Variants in FOXN3 observed in about 807,000 individuals in gnomAD.
FOXN3 encodes forkhead box protein N3.
FOXN3 carries 7 observed loss-of-function variants against 38.4 expected under a neutral mutation model. The ratio of observed to expected loss-of-function variants is 0.18; its 90% CI spans 0.10 to 0.34. The LOEUF (loss-of-function observed/expected upper bound fraction) is 0.34, where lower values mean the gene tolerates loss of function less well. Ranked by LOEUF, FOXN3 falls within the 10% of genes least tolerant of loss-of-function variation. The pLI is 1.00. For missense variants in FOXN3, 456 were observed against 613.4 expected, an observed-to-expected ratio of 0.74 and a Z score of 2.71; for synonymous variants, 230 against 242.2, an observed-to-expected ratio of 0.95 and a Z score of 0.47.
chr14:89,529,835 G>A (rs560740066), intron 1 of FOXN3, among the ~76,000 whole-genome samples: 3 of 152,276 alleles, frequency 2.0e-5, no homozygotes, highest in South Asian at 4.1e-4. Flanking sequence ...GAGCCCAGGA[G>A]TATGTGAAGT....
At chr14:89,281,084 A>G in intron 3 of FOXN3, 70 bp from the exon 4 acceptor site, 1 of 1,347,674 alleles carries the variant, frequency 7.4e-7, no homozygotes, top group Non-Finnish European at 1.0e-6. Flanking sequence ...CCCTTCCCAC[A>G]CTTCCCTCAA....
chr14:89,544,380 C>G (rs1243285438), intron 1 of FOXN3, among the ~76,000 whole-genome samples: 2 of 151,820 alleles, frequency 1.3e-5, no homozygotes, highest in African/African-American at 2.4e-5. Flanking sequence ...GTCTCCCAAG[C>G]TGGAATGTAA....
intron 3 of FOXN3, among the ~76,000 whole-genome samples, chr14:89,325,447 A>C (rs1888053271): frequency 6.6e-6 from 1 of 151,936 alleles, no homozygotes; most frequent in Non-Finnish European, 1.5e-5. Context: ...CATGTCAGAG[A>C]CCCAGAGACT....
At chr14:89,386,799 G>A (rs1157276494) in intron 2 of FOXN3, among the ~76,000 whole-genome samples, 1 of 152,162 alleles carries the variant, frequency 6.6e-6, no homozygotes, top group Non-Finnish European at 1.5e-5. Context: ...GAAGACGGCT[G>A]CCTTCTCACT....
At chr14:89,417,468 C>A (rs1480796773), upstream of FOXN3, 1 of 149,278 alleles carries the variant, frequency 6.7e-6, no homozygotes. Flanking sequence ...CCCCGCGGGG[C>A]GGGGGTGACC....
intron 1 of FOXN3, among the ~76,000 whole-genome samples, chr14:89,467,693 T>C (rs1036240448): frequency 1.3e-5 from 2 of 149,920 alleles, no homozygotes; most frequent in Non-Finnish European, 3.0e-5. Context: ...GGGCTCAAGC[T>C]CCAGCAGTCC....
chr14:89,563,181 T>C (rs1414720369), intron 1 of FOXN3, among the ~76,000 whole-genome samples: 1 of 152,250 alleles, frequency 6.6e-6, no homozygotes, highest in African/African-American at 2.4e-5. Context: ...CTATTACTGA[T>C]GACTTTCTAT....
chr14:89,444,705 T>A (rs554563076), intron 1 of FOXN3, among the ~76,000 whole-genome samples: 34 of 152,198 alleles, frequency 2.2e-4, no homozygotes, highest in Non-Finnish European at 4.6e-4. Context: ...AGCTTCCCGA[T>A]GTTCTGTCAC....
At chr14:89,204,735 C>T (rs2139823599) in intron 4 of FOXN3, among the ~76,000 whole-genome samples, 1 of 152,268 alleles carries the variant, frequency 6.6e-6, no homozygotes, top group East Asian at 1.9e-4. Flanking sequence ...ATATAACTGC[C>T]ATTGCTTTTG....
At chr14:89,288,716 CTCTCTCTCTA>C (rs1886748088) in intron 3 of FOXN3, among the ~76,000 whole-genome samples, 5 of 51,750 alleles carry the variant, frequency 9.7e-5, no homozygotes, top group Non-Finnish European at 1.7e-4. Flanking sequence ...CTCTCTCTCT[CTCTCTCTCTA>C]TATATATATA....
chr14:89,594,755 G>A (rs984736008), intron 1 of FOXN3, among the ~76,000 whole-genome samples: 29 of 151,668 alleles, frequency 1.9e-4, no homozygotes, highest in African/African-American at 4.8e-4. Context: ...GGGTCCTGGC[G>A]CACACCTGTA....
Position 89,159,779 on chromosome 14 carries a change from T to C in FOXN3, c.*2635A>G, listed in dbSNP as rs1887055576. ...AAATCAAGGTGTCGCTCAGGTTCCA[T>C]AGCTGTGGATGGCTTTTAGGGTGTC... On this transcript the variant is annotated 3_prime_UTR_variant, in exon 6 of 6. Coordinates refer to ENST00000557258, the MANE Select transcript of FOXN3 (RefSeq NM_005197.4). 1 of 152,282 alleles carries C rather than the reference T, an allele frequency of 6.6e-6. No homozygotes were observed. Among genetic ancestry groups the C allele is most frequent in the Non-Finnish European group, 1.5e-5 (1 of 68,098 alleles). The allele number at this position is 152,282 out of a possible 1,614,324, so 9.4% of individuals were successfully genotyped here.
At chr14:89,413,987 GAA>G (rs1359495799) in intron 1 of FOXN3, among the ~76,000 whole-genome samples, 2 of 148,762 alleles carry the variant, frequency 1.3e-5, no homozygotes, top group African/African-American at 5.0e-5. Flanking sequence ...AGGAGGAGGA[GAA>G]GAAGGAGGAG....
chr14:89,173,777 G>A (rs560279290), intron 5 of FOXN3, among the ~76,000 whole-genome samples: 3 of 152,220 alleles, frequency 2.0e-5, no homozygotes, highest in South Asian at 2.1e-4. Flanking sequence ...GATTGTTTGC[G>A]CCCAGGAGTT....
chr14:89,226,776 C>T (rs990232423), intron 4 of FOXN3, among the ~76,000 whole-genome samples: 1 of 152,064 alleles, frequency 6.6e-6, no homozygotes, highest in African/African-American at 2.4e-5. Context: ...TAAGCAGTAT[C>T]CTTATGAAAA....
In FOXN3 at chr14:89,599,049, T is replaced by C. The variant is rs559374719; in HGVS notation, c.-15+19979A>G. Among the ~76,000 whole-genome samples, 198 of 152,314 alleles carry C rather than the reference T, an allele frequency of 1.3e-3. 1 individual carries two copies. The highest frequency in any genetic ancestry group is 4.3e-3 in the African/African-American group (180 of 41,582). ...TCCAGTTACACATATATTAGGCCTT[T>C]CCACCATATTTAATATGTCTTTCAC... is the stretch of plus-strand genomic sequence containing the variant. On this transcript the variant is annotated intron_variant, in intron 1 of 6. Transcript: ENST00000345097.
intron 4 of FOXN3, among the ~76,000 whole-genome samples, chr14:89,258,696 C>A (rs987669953): frequency 2.0e-5 from 3 of 152,184 alleles, no homozygotes; most frequent in Admixed American, 2.0e-4. Context: ...ATATTCAATG[C>A]GCTTTACCTT....
rs1887153343 is a variant in FOXN3, at chr14:89,163,255, G to C, written c.852-286C>G. On this transcript the variant is annotated intron_variant, in intron 5 of 5. Coordinates refer to ENST00000557258, the MANE Select transcript of FOXN3 (RefSeq NM_005197.4). The surrounding 1 kb of genome is among the most constrained non-coding windows in gnomAD (Gnocchi z 4.3). ...ATCTTCTGAAGCGACAGTGGTGGAG[G>C]CTCCATCTCTTACATTAAACCATAA... Among the ~76,000 whole-genome samples the C allele has an allele frequency of 6.6e-6, 1 of 152,160 alleles. No homozygotes were observed. Among genetic ancestry groups the C allele is most frequent in the African/African-American group, 2.4e-5 (1 of 41,424 alleles).
chr14:89,187,884 C>T (rs1887848799), intron 4 of FOXN3, among the ~76,000 whole-genome samples: 1 of 152,172 alleles, frequency 6.6e-6, no homozygotes, highest in Admixed American at 6.5e-5. Context: ...ACTGTACTTG[C>T]CCTTGACCTC....
Sources: allele counts gnomAD v4.1 joint callset (sites outside exome capture counted in the v4.1 genomes callset), GRCh38; gene constraint gnomAD v4.1.1; non-coding constraint Gnocchi (gnomAD v3.1); transcripts MANE v1.5; gene names NCBI Gene and HGNC (gene_info 2026-07-23, HGNC 2026-07-21).